The following SNX29 variants were observed in gnomAD, a reference collection of about 807,000 sequenced individuals.
SNX29 encodes sorting nexin-29.
In SNX29, 78 loss-of-function variants were observed where a neutral mutation model predicts 102.1. That is an observed-to-expected ratio of 0.76 (90% CI 0.64 to 0.92). The LOEUF (loss-of-function observed/expected upper bound fraction) is 0.92, where lower values mean the gene tolerates loss of function less well. SNX29 is among the 40% of genes least tolerant of loss of function. The pLI is 0.00. For synonymous variants in SNX29, 580 were observed against 414.5 expected (o/e 1.40, Z -4.85); for missense variants, 1,280 against 1,061.7 (o/e 1.21, Z -2.86).
At chr16:12,137,968 C>G (rs1014285599) in intron 13 of SNX29, among the ~76,000 whole-genome samples, 1 of 152,190 alleles carries the variant, frequency 6.6e-6, no homozygotes, top group Admixed American at 6.5e-5. Context: ...CTGGTAGTCG[C>G]TGCCTGGGAT....
intron 13 of SNX29, among the ~76,000 whole-genome samples, chr16:12,133,841 C>T (rs973792299): frequency 1.3e-5 from 2 of 152,164 alleles, no homozygotes; most frequent in Non-Finnish European, 2.9e-5. Context: ...GTGAGATATT[C>T]GAATGCTAAG....
At chr16:12,547,981 A>C (rs956148542) in intron 20 of SNX29, among the ~76,000 whole-genome samples, 2 of 152,124 alleles carry the variant, frequency 1.3e-5, no homozygotes, top group Admixed American at 6.5e-5. Context: ...ACAGCATGGC[A>C]CAGGGGTCTC....
intron 20 of SNX29, chr16:12,527,497 C>G: frequency 4.7e-6 from 2 of 426,680 alleles, no homozygotes; most frequent in South Asian, 4.4e-5. Context: ...AGTTACTGAA[C>G]GTAACCGGAT....
chr16:12,032,228 C>G (rs978204648), intron 4 of SNX29, among the ~76,000 whole-genome samples: 13 of 142,572 alleles, frequency 9.1e-5, no homozygotes, highest in African/African-American at 3.1e-4. Flanking sequence ...TTTGATGGAG[C>G]CTTGCTCTGT....
chr16:12,344,498 C>G (rs998029779), intron 15 of SNX29, among the ~76,000 whole-genome samples: 1 of 152,074 alleles, frequency 6.6e-6, no homozygotes, highest in East Asian at 1.9e-4. Context: ...CAGGGTTTGG[C>G]AAATGGTAGA....
At chr16:12,545,780 C>T (rs1485049260) in intron 20 of SNX29, among the ~76,000 whole-genome samples, 1 of 152,032 alleles carries the variant, frequency 6.6e-6, no homozygotes, top group African/African-American at 2.4e-5. Flanking sequence ...TAAACAGTAC[C>T]TTTCACCACT....
intron 10 of SNX29, among the ~76,000 whole-genome samples, chr16:12,071,654 C>G (rs150978733): frequency 0.014 from 2,150 of 152,186 alleles, 16 homozygotes; most frequent in Non-Finnish European, 0.022. Flanking sequence ...GGCAATGCGG[C>G]CTCTTTTTTG....
At chr16:12,137,477 G>A (rs147649539) in intron 13 of SNX29, among the ~76,000 whole-genome samples, 8 of 152,296 alleles carry the variant, frequency 5.3e-5, no homozygotes, top group Admixed American at 2.0e-4. Context: ...GGGCTGCTGA[G>A]CAGTGAGAAC....
intron 13 of SNX29, among the ~76,000 whole-genome samples, chr16:12,136,328 C>T (rs928338223): frequency 4.6e-5 from 7 of 152,220 alleles, no homozygotes; most frequent in Non-Finnish European, 2.9e-5. Flanking sequence ...TTTGGAGGGC[C>T]GTGTCCGACC....
chr16:12,485,307 T>G (rs570843114), intron 19 of SNX29, among the ~76,000 whole-genome samples: 1 of 152,272 alleles, frequency 6.6e-6, no homozygotes, highest in Non-Finnish European at 1.5e-5. Context: ...TCGTTTTTGA[T>G]GATGTTACTA....
chr16:12,004,067 C>G (rs144123223), intron 3 of SNX29, among the ~76,000 whole-genome samples: 4 of 150,128 alleles, frequency 2.7e-5, no homozygotes, highest in African/African-American at 9.8e-5. Flanking sequence ...TTCGGCTGGG[C>G]GCAGTGGCTC....
In SNX29 at chr16:12,573,535, C is replaced by T. The variant is rs374064322; in HGVS notation, c.*4906C>T. The T allele has an allele frequency of 1.1e-3, 252 of 224,764 alleles. 1 individual carries two copies. The highest frequency in any genetic ancestry group is 1.7e-3 in the Non-Finnish European group (197 of 112,706). The allele number at this position is 224,764 out of a possible 1,614,324, so 13.9% of individuals were successfully genotyped here. A position where few individuals can be genotyped will look rare whatever the true frequency, so the allele number is the denominator to read the frequency against. On this transcript the variant is annotated 3_prime_UTR_variant, in exon 21 of 21. Coordinates refer to ENST00000566228, the MANE Select transcript of SNX29 (RefSeq NM_032167.5). ...CCCAGGGATTTAGTTCTTACTGGTG[C>T]GTAAGTGTTTTCCCATCCTAACCGG...
intron 17 of SNX29, among the ~76,000 whole-genome samples, chr16:12,403,116 CTG>C (rs1267243576): frequency 1.1e-4 from 16 of 151,822 alleles, no homozygotes; most frequent in African/African-American, 3.4e-4. Flanking sequence ...GATGTGGAGA[CTG>C]AGGTTCAGAT....
In SNX29 at chr16:12,462,048, T is replaced by TACACACACACACACACAC. The variant is rs1567588303; in HGVS notation, c.2038-15670_2038-15669insCACACACACACACACACA. 3.7e-4 allele frequency among the ~76,000 whole-genome samples: 43 copies of TACACACACACACACACAC among 116,152 alleles called. No individual in the cohort carries two copies. In the South Asian group the frequency reaches 7.2e-3, roughly 19 times the overall value. 76.2% of individuals were successfully genotyped at this position (116,152 alleles called of 152,430 possible). A position where few individuals can be genotyped will look rare whatever the true frequency, so the allele number is the denominator to read the frequency against. On this transcript the variant is annotated intron_variant, in intron 18 of 20. Coordinates refer to ENST00000566228, the MANE Select transcript of SNX29 (RefSeq NM_032167.5). ...ACACACACACACACACACACACTCT[T>TACACACACACACACACAC]ATATATGAGAAAATATCCAGACCAG...
intron 19 of SNX29, among the ~76,000 whole-genome samples, chr16:12,484,220 C>T (rs2088114975): frequency 6.6e-6 from 1 of 152,092 alleles, no homozygotes; most frequent in Non-Finnish European, 1.5e-5. Flanking sequence ...GCGATCATGG[C>T]TCACTGCAGC....
Position 12,133,068 on chromosome 16 carries a change from C to T in SNX29, c.1595+3310C>T, listed in dbSNP as rs544155083. Among the ~76,000 whole-genome samples the T allele has an allele frequency of 6.6e-5, 10 of 152,188 alleles. No individual in the cohort carries two copies. The East Asian group carries it at 1.7e-3, about 26-fold the overall frequency. On this transcript the variant is annotated intron_variant, in intron 13 of 20. Coordinates refer to ENST00000566228, the MANE Select transcript of SNX29 (RefSeq NM_032167.5). Reference sequence around the variant, plus strand: ...GGGCAGGGCAGTGGAGTGTCGCAGGCTGGAAGGTGAGGCTCATTGCGCCGG... The same window carrying T: ...GGGCAGGGCAGTGGAGTGTCGCAGGTTGGAAGGTGAGGCTCATTGCGCCGG...
intron 1 of SNX29, among the ~76,000 whole-genome samples, chr16:11,992,753 C>A (rs1422521472): frequency 6.6e-6 from 1 of 152,326 alleles, no homozygotes. Flanking sequence ...GCATTGCCTT[C>A]TTTTTCTTTT....
At chr16:12,441,497 G>A (rs763212633) in intron 18 of SNX29, among the ~76,000 whole-genome samples, 3 of 152,164 alleles carry the variant, frequency 2.0e-5, no homozygotes, top group Non-Finnish European at 2.9e-5. Context: ...ATTTATGGCT[G>A]TTACGAATTA....
chr16:12,458,418 C>G (rs1241329062), intron 18 of SNX29, among the ~76,000 whole-genome samples: 2 of 152,194 alleles, frequency 1.3e-5, no homozygotes, highest in Admixed American at 6.5e-5. Flanking sequence ...AACGCGAGCC[C>G]TATGCAGACA....
Sources: gnomAD v4.1 joint callset for allele counts (sites outside exome capture counted in the v4.1 genomes callset) on GRCh38, gnomAD v4.1.1 for gene constraint, MANE v1.5 for transcripts, NCBI Gene and HGNC (gene_info 2026-07-23, HGNC 2026-07-21) for gene names.